The following XPOT variants were observed in gnomAD, a reference collection of about 807,000 sequenced individuals.
XPOT encodes the protein exportin-T.
Under a neutral mutation model 128.2 loss-of-function variants are expected in XPOT, and 34 were observed. The ratio of observed to expected loss-of-function variants is 0.27; its 90% confidence interval spans 0.20 to 0.35. The LOEUF (loss-of-function observed/expected upper bound fraction) is 0.35, where lower values mean the gene tolerates loss of function less well. XPOT is among the 10% of genes least tolerant of loss of function. The pLI is 1.00. For missense variants in XPOT, 838 were observed against 1,125.3 expected (o/e 0.74, Z 3.65); for synonymous variants, 348 against 394.3 (o/e 0.88, Z 1.39).
At chr12:64,441,209 C>T (rs762352204) in intron 23 of XPOT, among the ~76,000 whole-genome samples, 2 of 152,050 alleles carry the variant, frequency 1.3e-5, no homozygotes, top group Non-Finnish European at 2.9e-5. Flanking sequence ...TTCTTAGTAC[C>T]CTTGTTGAAG....
rs1203044585 is a variant in XPOT at position 64,404,636 on chromosome 12, C to T, written c.-243C>T. On this transcript the variant is annotated 5_prime_UTR_variant, in exon 1 of 25. Transcript: ENST00000332707. ...AGGGGACGCAGAGCGACTAGAGGCGCGCGGTCCCGGCCAGCACCGTCTCTG... is the reference window on the plus strand; with the variant it reads ...AGGGGACGCAGAGCGACTAGAGGCGTGCGGTCCCGGCCAGCACCGTCTCTG... 6.6e-6 allele frequency: 1 copy of T among 152,628 alleles called. No homozygotes were observed. Among genetic ancestry groups the T allele is most frequent in the Non-Finnish European group, 1.5e-5 (1 of 68,160 alleles). The allele number at this position is 152,628 out of a possible 1,614,324, so 9.5% of individuals were successfully genotyped here. A position where few individuals can be genotyped will look rare whatever the true frequency, so the allele number is the denominator to read the frequency against.
chr12:64,435,129 C>T (rs187805739), intron 21 of XPOT, among the ~76,000 whole-genome samples: 7 of 152,216 alleles, frequency 4.6e-5, no homozygotes, highest in African/African-American at 1.4e-4. Flanking sequence ...TCTACTCCTT[C>T]GACTTTAACA....
intron 22 of XPOT, among the ~76,000 whole-genome samples, chr12:64,438,408 A>C (rs1287917752): frequency 6.6e-6 from 1 of 152,186 alleles, no homozygotes; most frequent in Admixed American, 6.5e-5. Flanking sequence ...GACAGGGTAG[A>C]CATAAGAAAA....
At chr12:64,420,739 C>T (rs1284900077) in intron 8 of XPOT, among the ~76,000 whole-genome samples, 3 of 152,190 alleles carry the variant, frequency 2.0e-5, no homozygotes, top group Non-Finnish European at 4.4e-5. Flanking sequence ...TGTAATTGCA[C>T]ATTTCTCACA....
At chr12:64,418,817 G>T in intron 5 of XPOT, 59 bp from the exon 6 acceptor site, 2 of 1,509,866 alleles carry the variant, frequency 1.3e-6, no homozygotes, top group South Asian at 1.2e-5. Flanking sequence ...AAGACAACTG[G>T]TGTTTCTGGG....
chr12:64,441,943 TC>T (rs1055120450), intron 23 of XPOT, among the ~76,000 whole-genome samples: 2 of 151,918 alleles, frequency 1.3e-5, no homozygotes, highest in African/African-American at 4.8e-5. Context: ...CCTCCTAAAG[TC>T]CCAGGATTAC....
chr12:64,423,715 A>G (rs1172420170), intron 11 of XPOT, among the ~76,000 whole-genome samples: 1 of 152,130 alleles, frequency 6.6e-6, no homozygotes, highest in African/African-American at 2.4e-5. Context: ...CAGCCTCCCA[A>G]AGTGTTGGGA....
chr12:64,448,249 A>G lies in XPOT; in HGVS notation c.*118A>G, dbSNP rs2040381090. ...CACATTGTTTTGAGCTTATTGCAGT[A>G]TATGTTTTGGGATTTTTCTGTAAAA... is the stretch of plus-strand genomic sequence containing the variant. On this transcript the variant is annotated 3_prime_UTR_variant, in exon 25 of 25. Transcript: ENST00000332707. 6.7e-6 allele frequency: 7 copies of G among 1,048,200 alleles called. No homozygotes were observed. The East Asian group carries it at 1.2e-4, about 18-fold the overall frequency. 64.9% of individuals were successfully genotyped at this position (1,048,200 alleles called of 1,614,324 possible). A position where few individuals can be genotyped will look rare whatever the true frequency, so the allele number is the denominator to read the frequency against.
At chr12:64,424,781 G>C in intron 12 of XPOT, 58 bp downstream of exon 12, 1 of 1,586,120 alleles carries the variant, frequency 6.3e-7, no homozygotes, top group Non-Finnish European at 8.6e-7. Context: ...CTTTGATATG[G>C]GTCAAAATAA....
chr12:64,417,587 C>T (rs1039450156), intron 4 of XPOT, among the ~76,000 whole-genome samples: 1 of 151,932 alleles, frequency 6.6e-6, no homozygotes, highest in African/African-American at 2.4e-5. Flanking sequence ...AGATTTCCAG[C>T]TTTTCTGGAA....
intron 23 of XPOT, among the ~76,000 whole-genome samples, chr12:64,441,922 T>TC (rs2040328006): frequency 6.6e-6 from 1 of 151,802 alleles, no homozygotes. Flanking sequence ...TCAGTGATCT[T>TC]CCCACCTTGG....
At chr12:64,426,515 G>C (rs2040194144) in intron 15 of XPOT, among the ~76,000 whole-genome samples, 1 of 152,040 alleles carries the variant, frequency 6.6e-6, no homozygotes, top group Admixed American at 6.6e-5. Flanking sequence ...ATGAAGCTGG[G>C]AACAAAAGAC....
At chr12:64,414,495 G>A (rs2040069021) in intron 2 of XPOT, among the ~76,000 whole-genome samples, 1 of 152,132 alleles carries the variant, frequency 6.6e-6, no homozygotes, top group Admixed American at 6.6e-5. Flanking sequence ...TAGCAGATGT[G>A]CTATTAAATA....
chr12:64,448,775 A>G lies in XPOT; in HGVS notation c.*644A>G, dbSNP rs1351893047. On this transcript the variant is annotated 3_prime_UTR_variant, in exon 25 of 25. Transcript: ENST00000332707. ...ATAATTTCCCATTTAAAGGTTTACA[A>G]ATATGAGTGTGTGGATGCTTTAATT... 1.3e-5 allele frequency: 2 copies of G among 152,312 alleles called. No homozygotes were observed. The highest frequency in any genetic ancestry group is 4.8e-5 in the African/African-American group (2 of 41,560). 9.4% of individuals were successfully genotyped at this position (152,312 alleles called of 1,614,324 possible).
chr12:64,418,249 C>A, intron 5 of XPOT, 134 bp downstream of exon 5: 2 of 681,892 alleles, frequency 2.9e-6, no homozygotes, highest in Non-Finnish European at 4.8e-6. Context: ...TTAAAAGGTG[C>A]TGGTTTTAAA....
intron 23 of XPOT, among the ~76,000 whole-genome samples, chr12:64,439,632 T>TA (rs1216995530): frequency 6.6e-6 from 1 of 152,200 alleles, no homozygotes; most frequent in Non-Finnish European, 1.5e-5. Flanking sequence ...AAAAACATTC[T>TA]AAAGGAGCCT....
In XPOT at chr12:64,425,020, CAT is replaced by C; in HGVS notation, c.1308-15_1308-14del. The C allele has an allele frequency of 6.2e-7, 1 of 1,611,820 alleles. No homozygotes were observed. Among genetic ancestry groups the C allele is most frequent in the Non-Finnish European group, 8.5e-7 (1 of 1,179,730 alleles). On this transcript the variant is annotated splice_polypyrimidine_tract_variant and intron_variant, in intron 12 of 24. Transcript: ENST00000332707. ...AAAATTTATCTTTAAATCTCACTGA[CAT>C]ATTATACCTTGGTAGGAATTGGCAG... is the stretch of plus-strand genomic sequence containing the variant.
At position 64,428,092 on chromosome 12, in the gene XPOT, T is replaced by C; in HGVS notation, c.1709T>C (p.Ile570Thr). The change falls in exon 16 of 25, where the codon ATA (isoleucine) becomes ACA (threonine). Residue 570 changes from isoleucine to threonine, a missense_variant. Physicochemically the swap from Ile to Thr is moderately conservative, Grantham distance 89. Transcript: ENST00000332707. ...NPFIEDILNR[I>T]QDLLELSPPE... is the part of the protein sequence containing the mutation. ...TTCATTGAGGATATTTTGAATAGAATACAAGATTTATTAGAGCTTTCTCCA... is the reference window on the plus strand; with the variant it reads ...TTCATTGAGGATATTTTGAATAGAACACAAGATTTATTAGAGCTTTCTCCA... The C allele has an allele frequency of 6.3e-7, 1 of 1,576,916 alleles. No homozygotes were observed. Among genetic ancestry groups the C allele is most frequent in the Non-Finnish European group, 8.7e-7 (1 of 1,148,164 alleles).
intron 2 of XPOT, among the ~76,000 whole-genome samples, chr12:64,411,274 A>G (rs2040036338): frequency 6.6e-6 from 1 of 152,222 alleles, no homozygotes; most frequent in Non-Finnish European, 1.5e-5. Flanking sequence ...AGTATCATAG[A>G]TCTTTACCTT....
Sources: gnomAD v4.1 joint callset for allele counts (sites outside exome capture counted in the v4.1 genomes callset) on GRCh38, gnomAD v4.1.1 for gene constraint, MANE v1.5 for transcripts, NCBI Gene and HGNC (gene_info 2026-07-23, HGNC 2026-07-21) for gene names.